Variants in KLHDC8A observed in about 807,000 individuals in gnomAD.
KLHDC8A encodes the protein kelch domain containing 8A, also known as kelch domain-containing protein 8A.
KLHDC8A carries 21 observed loss-of-function variants against 33.1 expected under a neutral mutation model. The ratio of observed to expected loss-of-function variants is 0.64; its 90% CI spans 0.45 to 0.91. The LOEUF (loss-of-function observed/expected upper bound fraction) is 0.91, where lower values mean the gene tolerates loss of function less well. Among genes scored for constraint, KLHDC8A ranks in the 40% least tolerant of loss-of-function variants. The pLI, the probability that KLHDC8A is intolerant of heterozygous loss-of-function variation, is 0.00. For missense variants in KLHDC8A, 435 were observed against 483.3 expected, an observed-to-expected ratio of 0.90 and a Z score of 0.94; for synonymous variants, 173 against 193.5, an observed-to-expected ratio of 0.89 and a Z score of 0.88.
chr1:205,343,531 G>C lies in KLHDC8A; in HGVS notation c.74C>G (p.Ser25Cys). 5 of 1,613,138 alleles carry C rather than the reference G, an allele frequency of 3.1e-6. No homozygotes were observed. Among genetic ancestry groups the C allele is most frequent in the Non-Finnish European group, 4.2e-6 (5 of 1,179,728 alleles). The change falls in exon 2 of 6, where the codon TCC becomes TGC. Residue 25 changes from serine to cysteine, a missense_variant. Coordinates refer to ENST00000367155, the MANE Select transcript of KLHDC8A (RefSeq NM_018203.3). ...APLPSRRVYC[S>C]LLETGGQVYA... ...GACCTGGCCCCCGGTCTCCAGCAGG[G>C]AGCAGTAGACCCGGCGGCTGGGCAG...
chr1:205,351,444 T>C, intron 1 of KLHDC8A: 1 of 792,468 alleles, frequency 1.3e-6, no homozygotes, highest in Non-Finnish European at 2.3e-6. Flanking sequence ...GAGGAAATAG[T>C]ATCATCATGT....
In KLHDC8A at chr1:205,350,692, GAC is replaced by G. The variant is rs371598486; in HGVS notation, c.-190+5839_-190+5840del. Among the ~76,000 whole-genome samples the G allele has an allele frequency of 1.7e-3, 260 of 152,294 alleles. 1 individual carries two copies. The highest frequency in any genetic ancestry group is 6.8e-3 in the Middle Eastern group (2 of 294). On this transcript the variant is annotated intron_variant, in intron 1 of 5. Transcript: ENST00000367155. The stretch of plus-strand genomic sequence containing the variant: ...GCTCCACGTCCTGGCAGAGCTGAGA[GAC>G]GGCTCTGAATGATTTACACACCAGC...
Position 205,339,061 on chromosome 1 carries a change from G to A in KLHDC8A, c.757+133C>T, listed in dbSNP as rs1418761825. 1.5e-5 allele frequency: 10 copies of A among 681,688 alleles called. No homozygotes were observed. Among genetic ancestry groups the A allele is most frequent in the Non-Finnish European group, 2.5e-5 (10 of 398,370 alleles). 42.2% of individuals were successfully genotyped at this position (681,688 alleles called of 1,614,324 possible). Reference sequence around the variant, plus strand: ...AGAGTAGCCCTGAGTGGAGAGGGGTGCTGAGACTTCTGAGAAGCTTGCCCA... The same window carrying A: ...AGAGTAGCCCTGAGTGGAGAGGGGTACTGAGACTTCTGAGAAGCTTGCCCA... On this transcript the variant is annotated intron_variant, in intron 4 of 5. Coordinates refer to ENST00000367155, the MANE Select transcript of KLHDC8A (RefSeq NM_018203.3). This position sits in a 1 kb window ranked among gnomAD's most constrained non-coding sequence, Gnocchi z 5.1.
At chr1:205,349,612 A>G (rs1406798449) in intron 1 of KLHDC8A, among the ~76,000 whole-genome samples, 1 of 152,214 alleles carries the variant, frequency 6.6e-6, no homozygotes, top group Non-Finnish European at 1.5e-5. Flanking sequence ...CAAAGACCTC[A>G]GCTACTTCCC....
chr1:205,354,586 G>A (rs1485013177), intron 1 of KLHDC8A, among the ~76,000 whole-genome samples: 1 of 152,194 alleles, frequency 6.6e-6, no homozygotes, highest in African/African-American at 2.4e-5. Context: ...TTGGAAGATG[G>A]CCAGTGGGAT....
At position 205,343,537 on chromosome 1, in the gene KLHDC8A, T is replaced by A. The variant is rs781236202; in HGVS notation, c.68A>T (p.Tyr23Phe). The change falls in exon 2 of 6, where the codon TAC becomes TTC. Residue 23 changes from tyrosine to phenylalanine, a missense_variant. Transcript: ENST00000367155. The part of the protein sequence containing the change: ...RLAPLPSRRV[Y>F]CSLLETGGQV... The stretch of plus-strand genomic sequence containing the variant: ...GCCCCCGGTCTCCAGCAGGGAGCAG[T>A]AGACCCGGCGGCTGGGCAGTGGCGC... 2 of 1,612,824 alleles carry A rather than the reference T, an allele frequency of 1.2e-6. No individual in the cohort carries two copies. The highest frequency in any genetic ancestry group is 1.7e-6 in the Non-Finnish European group (2 of 1,179,546).
In KLHDC8A at chr1:205,356,662, G is replaced by A. The variant is rs988577823; in HGVS notation, c.-319C>T. On this transcript the variant is annotated 5_prime_UTR_variant, in exon 1 of 6. Coordinates refer to ENST00000367155, the MANE Select transcript of KLHDC8A (RefSeq NM_018203.3). ...TAGGAGCTGGCTGGGAATAGAGTCG[G>A]CAAGGTCCCCAGGGTCCCCAGGGCT... The A allele has an allele frequency of 3.1e-5, 14 of 450,348 alleles. No individual in the cohort carries two copies. Among genetic ancestry groups the A allele is most frequent in the Non-Finnish European group, 5.8e-5 (13 of 224,180 alleles). The allele number at this position is 450,348 out of a possible 1,614,324, so 27.9% of individuals were successfully genotyped here.
Position 205,343,633 on chromosome 1 carries a change from G to C in KLHDC8A, c.-29C>G. On this transcript the variant is annotated 5_prime_UTR_variant, in exon 2 of 6. Transcript: ENST00000367155. ...AGCCTTGGGGAGCGCCCGGGCGCCG[G>C]GAGAGGTGCGAGCGCGGGGGTCCAC... The C allele has an allele frequency of 6.5e-7, 1 of 1,540,418 alleles. No homozygotes were observed. Among genetic ancestry groups the C allele is most frequent in the Non-Finnish European group, 8.8e-7 (1 of 1,142,424 alleles).
intron 2 of KLHDC8A, 127 bp downstream of exon 2, chr1:205,343,102 A>G (rs1662833474): frequency 4.4e-6 from 6 of 1,348,430 alleles, no homozygotes; most frequent in African/African-American, 2.9e-5. Context: ...TGCTGAACGC[A>G]TGGGGTCTGC....
rs1662865610 is a variant in KLHDC8A at position 205,343,785 on chromosome 1, C to T, written c.-181G>A. The T allele has an allele frequency of 3.0e-6, 2 of 661,310 alleles. No homozygotes were observed. The highest frequency in any genetic ancestry group is 3.5e-5 in the Admixed American group (1 of 28,664). The allele number at this position is 661,310 out of a possible 1,614,324, so 41.0% of individuals were successfully genotyped here. ...AGTCTCAGCGGTCCGGCGGCGTCCACGCCTGGCCCTGCGGGGGGAACGCGG... is the reference window on the plus strand; with the variant it reads ...AGTCTCAGCGGTCCGGCGGCGTCCATGCCTGGCCCTGCGGGGGGAACGCGG... On this transcript the variant is annotated 5_prime_UTR_variant, in exon 2 of 6. The change creates a new upstream start codon in the 5' untranslated region. Coordinates refer to ENST00000367155, the MANE Select transcript of KLHDC8A (RefSeq NM_018203.3).
chr1:205,350,759 T>C (rs1487352978), intron 1 of KLHDC8A, among the ~76,000 whole-genome samples: 1 of 152,184 alleles, frequency 6.6e-6, no homozygotes, highest in Admixed American at 6.5e-5. Context: ...GGAAGATTGA[T>C]TGGCAGATGG....
intron 1 of KLHDC8A, among the ~76,000 whole-genome samples, chr1:205,356,020 T>C (rs1392963356): frequency 1.3e-5 from 2 of 152,194 alleles, no homozygotes; most frequent in East Asian, 3.9e-4. Flanking sequence ...GGGTTTCTAT[T>C]GATCCCGTCA....
rs147450911 is a variant in KLHDC8A at position 205,339,697 on chromosome 1, G to A, written c.488C>T (p.Thr163Ile). ...DMWVSLAPMP[T>I]PRYAATSFLR... ...GAAGGAGGTGGCAGCATATCTCGGG[G>A]TGGGCATGGGTGCTAGGGACACCCA... The change falls in exon 3 of 6, where the codon ACC (threonine) becomes ATC (isoleucine). Residue 163 changes from threonine to isoleucine, a missense_variant. Physicochemically the swap from Thr to Ile is moderately conservative, Grantham distance 89. Coordinates refer to ENST00000367155, the MANE Select transcript of KLHDC8A (RefSeq NM_018203.3). This position sits in a 1 kb window ranked among gnomAD's most constrained non-coding sequence, Gnocchi z 5.1. 6.2e-7 allele frequency: 1 copy of A among 1,614,092 alleles called. No homozygotes were observed. Among genetic ancestry groups the A allele is most frequent in the African/African-American group, 1.3e-5 (1 of 74,940 alleles).
Position 205,351,400 on chromosome 1 carries a change from G to A in KLHDC8A, c.-190+5133C>T, listed in dbSNP as rs114696564. The A allele has an allele frequency of 7.1e-4, 606 of 850,148 alleles. 1 individual carries two copies. The African/African-American group carries it at 8.9e-3, about 12-fold the overall frequency. The allele number at this position is 850,148 out of a possible 1,614,324, so 52.7% of individuals were successfully genotyped here. A position where few individuals can be genotyped will look rare whatever the true frequency, so the allele number is the denominator to read the frequency against. On this transcript the variant is annotated intron_variant, in intron 1 of 5. Coordinates refer to ENST00000367155, the MANE Select transcript of KLHDC8A (RefSeq NM_018203.3). ...TGAATGTGTGGAAATGGCGACTAGT[G>A]GACAACAGAACAATATTGGAATGGT...
intron 1 of KLHDC8A, 200 bp from the exon 2 acceptor site, chr1:205,343,993 C>A (rs1662873503): frequency 1.2e-5 from 2 of 172,866 alleles, no homozygotes; most frequent in Admixed American, 1.3e-4. Flanking sequence ...CGAAGCAAGC[C>A]GCAGGCCGGG....
intron 2 of KLHDC8A, among the ~76,000 whole-genome samples, chr1:205,342,973 C>T (rs577875825): frequency 1.3e-5 from 2 of 152,198 alleles, no homozygotes; most frequent in South Asian, 2.1e-4. Flanking sequence ...GGCCTGGTGA[C>T]GCTACAAGGA....
At chr1:205,341,493 C>T (rs1662787829) in intron 2 of KLHDC8A, among the ~76,000 whole-genome samples, 1 of 152,152 alleles carries the variant, frequency 6.6e-6, no homozygotes. Context: ...CTCCCATCCA[C>T]TCCTCACTAC....
chr1:205,355,632 TTG>T (rs958228285), intron 1 of KLHDC8A, among the ~76,000 whole-genome samples: 3 of 152,000 alleles, frequency 2.0e-5, no homozygotes, highest in African/African-American at 7.3e-5. Context: ...TGTGTGTGAG[TTG>T]TGTGTGTGTA....
chr1:205,353,586 A>T (rs933256347), intron 1 of KLHDC8A, among the ~76,000 whole-genome samples: 1 of 152,108 alleles, frequency 6.6e-6, no homozygotes, highest in African/African-American at 2.4e-5. Flanking sequence ...CCCAGGCTGG[A>T]GTGCAGTGGC....
Sources: allele counts gnomAD v4.1 joint callset (sites outside exome capture counted in the v4.1 genomes callset), GRCh38; gene constraint gnomAD v4.1.1; non-coding constraint Gnocchi (gnomAD v3.1); transcripts MANE v1.5; gene names NCBI Gene and HGNC (gene_info 2026-07-23, HGNC 2026-07-21).